The following ACBD6 variants were observed in gnomAD, a reference collection of about 807,000 sequenced individuals.
The protein encoded by ACBD6 is acyl-CoA-binding domain-containing protein 6.
A neutral mutation model predicts 37.2 loss-of-function variants in ACBD6; 28 were observed. The ratio of observed to expected loss-of-function variants is 0.75; its 90% CI spans 0.56 to 1.03. ACBD6 has a LOEUF of 1.03. ACBD6 is among the 50% of genes least tolerant of loss of function. ACBD6 has a pLI of 0.00. For synonymous variants in ACBD6, 113 were observed against 126.8 expected, an observed-to-expected ratio of 0.89 and a Z score of 0.73; for missense variants, 340 against 337.4, an observed-to-expected ratio of 1.01 and a Z score of -0.06.
At chr1:180,486,138 G>A (rs894542501) in intron 3 of ACBD6, among the ~76,000 whole-genome samples, 3 of 152,110 alleles carry the variant, frequency 2.0e-5, no homozygotes, top group Admixed American at 2.0e-4. Flanking sequence ...TGTGTATGCA[G>A]GAAGCCATCT....
At chr1:180,493,266 A>AAAAAC (rs1557893786) in intron 2 of ACBD6, among the ~76,000 whole-genome samples, 1 of 141,248 alleles carries the variant, frequency 7.1e-6, no homozygotes, top group East Asian at 2.0e-4. Context: ...AAAAAAAAAA[A>AAAAAC]AAAAAAAAAA....
chr1:180,443,765 A>C (rs1571518857), intron 3 of ACBD6, among the ~76,000 whole-genome samples: 1 of 142,276 alleles, frequency 7.0e-6, no homozygotes, highest in Non-Finnish European at 1.5e-5. Flanking sequence ...GACACCCGCC[A>C]CCACGCCCAG....
chr1:180,295,902 A>T (rs1015540323), intron 7 of ACBD6, among the ~76,000 whole-genome samples: 1 of 152,128 alleles, frequency 6.6e-6, no homozygotes, highest in African/African-American at 2.4e-5. Flanking sequence ...CCTTTTACTC[A>T]AGTAAAAGGA....
intron 6 of ACBD6, among the ~76,000 whole-genome samples, chr1:180,317,289 T>A (rs1353998972): frequency 6.6e-6 from 1 of 152,102 alleles, no homozygotes; most frequent in Non-Finnish European, 1.5e-5. Context: ...AAGAGATACC[T>A]AGAGTAGTCA....
chr1:180,294,995 A>C (rs1464483970), intron 7 of ACBD6, among the ~76,000 whole-genome samples: 1 of 152,142 alleles, frequency 6.6e-6, no homozygotes, highest in Non-Finnish European at 1.5e-5. Context: ...CACAGCATCC[A>C]GCCTGTTTCT....
At chr1:180,364,842 T>C (rs1052544767) in intron 6 of ACBD6, among the ~76,000 whole-genome samples, 1 of 151,742 alleles carries the variant, frequency 6.6e-6, no homozygotes, top group Non-Finnish European at 1.5e-5. Context: ...CAAGTGATTC[T>C]CCTGCCTCAG....
chr1:180,333,701 C>G (rs1044674828), intron 6 of ACBD6, among the ~76,000 whole-genome samples: 2 of 152,246 alleles, frequency 1.3e-5, no homozygotes, highest in Non-Finnish European at 1.5e-5. Context: ...GAGCGTGAGC[C>G]AAAGCAGGGC....
intron 7 of ACBD6, among the ~76,000 whole-genome samples, chr1:180,303,913 T>G (rs376660976): frequency 6.6e-6 from 1 of 150,636 alleles, no homozygotes; most frequent in African/African-American, 2.4e-5. Context: ...CCACCATGAT[T>G]AAGTGGGCTT....
At chr1:180,500,921 A>G (rs1310528866) in intron 1 of ACBD6, among the ~76,000 whole-genome samples, 1 of 151,704 alleles carries the variant, frequency 6.6e-6, no homozygotes, top group Non-Finnish European at 1.5e-5. Context: ...CATTCTCTGT[A>G]GGCATTATAC....
chr1:180,377,693 A>G (rs1320780971), intron 6 of ACBD6, among the ~76,000 whole-genome samples: 1 of 152,216 alleles, frequency 6.6e-6, no homozygotes, highest in South Asian at 2.1e-4. Flanking sequence ...CATGCCTGTT[A>G]TCCCAGCACT....
chr1:180,342,032 A>G (rs1484059996), intron 6 of ACBD6, among the ~76,000 whole-genome samples: 3 of 152,184 alleles, frequency 2.0e-5, no homozygotes, highest in African/African-American at 7.2e-5. Flanking sequence ...ACCATGCCTA[A>G]TTTGGAGCTT....
intron 6 of ACBD6, among the ~76,000 whole-genome samples, chr1:180,352,487 C>T (rs1340827194): frequency 6.6e-6 from 1 of 151,994 alleles, no homozygotes; most frequent in Non-Finnish European, 1.5e-5. Flanking sequence ...CCGCACCCAG[C>T]CATATTTTTT....
rs1209959334 is a variant in ACBD6, at chr1:180,465,605, A to C, written c.384+26664T>G. On this transcript the variant is annotated intron_variant, in intron 3 of 7. Coordinates refer to ENST00000367595, the MANE Select transcript of ACBD6 (RefSeq NM_032360.4). ...AACCATTGAGGAAAGCAGGATGGCA[A>C]TTCCTCAAAGAGCTGAAAACAGAAC... Among the ~76,000 whole-genome samples, 3 of 152,138 alleles carry C rather than the reference A, an allele frequency of 2.0e-5. No individual in the cohort carries two copies. The East Asian group carries it at 5.8e-4, about 29-fold the overall frequency.
intron 5 of ACBD6, among the ~76,000 whole-genome samples, chr1:180,399,972 G>A (rs1647283053): frequency 6.6e-6 from 1 of 152,118 alleles, no homozygotes; most frequent in Admixed American, 6.6e-5. Flanking sequence ...TAGTTAAGTA[G>A]GACAACATAA....
chr1:180,272,255 G>A (rs575756222), intron 13 of ACBD6, among the ~76,000 whole-genome samples: 41 of 152,096 alleles, frequency 2.7e-4, no homozygotes, highest in Non-Finnish European at 1.2e-4. Context: ...TGGCCCCAAG[G>A]TCTCCCCTCC....
At chr1:180,335,279 C>A (rs1651657453) in intron 6 of ACBD6, among the ~76,000 whole-genome samples, 1 of 152,130 alleles carries the variant, frequency 6.6e-6, no homozygotes, top group South Asian at 2.1e-4. Flanking sequence ...AGGTAACCCA[C>A]AAAGGGAAGC....
At chr1:180,320,145 T>C (rs1319631219) in intron 6 of ACBD6, among the ~76,000 whole-genome samples, 1 of 152,210 alleles carries the variant, frequency 6.6e-6, no homozygotes, top group African/African-American at 2.4e-5. Context: ...TTCCCTTTTT[T>C]CCACATCTTT....
chr1:180,329,603 T>G lies in ACBD6; in HGVS notation c.664-14881A>C, dbSNP rs1172621678. ...GTTTTATCTTGGTTTTAGGCTATAT[T>G]CTTTTTTTAAACTTTTGGGGAGCAT... On this transcript the variant is annotated intron_variant, in intron 6 of 7. Coordinates refer to ENST00000367595, the MANE Select transcript of ACBD6 (RefSeq NM_032360.4). Among the ~76,000 whole-genome samples the G allele has an allele frequency of 3.3e-5, 5 of 152,332 alleles. No individual in the cohort carries two copies. In the East Asian group the frequency reaches 9.6e-4, roughly 29 times the overall value.
In ACBD6 at chr1:180,413,366, C is replaced by T. The variant is rs532496534; in HGVS notation, c.573G>A (p.Glu191=). ...AATTAACAGGGCATGTTTTTCATAC[C>T]TCTTCATCTTTCACATTCACATCCA... The part of the protein sequence containing the change: ...KNVDVNVKDE[E]GRALLHWACD... The change falls in exon 5 of 8, where the codon GAG becomes GAA. Residue 191 remains glutamate, a splice_region_variant and synonymous_variant. Transcript: ENST00000367595. 2.9e-5 allele frequency: 46 copies of T among 1,610,844 alleles called. No individual in the cohort carries two copies. Among genetic ancestry groups the T allele is most frequent in the South Asian group, 1.8e-4 (16 of 91,014 alleles).
Sources: allele counts gnomAD v4.1 joint callset (sites outside exome capture counted in the v4.1 genomes callset), GRCh38; gene constraint gnomAD v4.1.1; transcripts MANE v1.5; gene names NCBI Gene and HGNC (gene_info 2026-07-23, HGNC 2026-07-21).